The following MRTFA variants were observed in gnomAD, a reference collection of about 807,000 sequenced individuals.
The protein encoded by MRTFA is myocardin related transcription factor A, also known as myocardin-related transcription factor A.
Under a neutral mutation model 83.5 loss-of-function variants are expected in MRTFA, and 20 were observed. The ratio of observed to expected loss-of-function variants is 0.24; its 90% CI spans 0.17 to 0.35. MRTFA has a LOEUF of 0.35. Among genes scored for constraint, MRTFA ranks in the 10% least tolerant of loss-of-function variants. The pLI is 1.00. For synonymous variants in MRTFA, 659 were observed against 541.2 expected (o/e 1.22, Z -3.02); for missense variants, 1,200 against 1,224.7 (o/e 0.98, Z 0.30).
chr22:40,418,302 C>T, intron 12 of MRTFA, 72 bp downstream of exon 12: 1 of 1,553,078 alleles, frequency 6.4e-7, no homozygotes, highest in South Asian at 1.2e-5. Flanking sequence ...TCCCCTGGCC[C>T]AAGAGGGCTG....
chr22:40,416,883 T>C lies in MRTFA; in HGVS notation c.2578+103A>G. 9.0e-7 allele frequency: 1 copy of C among 1,112,224 alleles called. No homozygotes were observed. Among genetic ancestry groups the C allele is most frequent in the East Asian group, 2.6e-5 (1 of 38,778 alleles). 68.9% of individuals were successfully genotyped at this position (1,112,224 alleles called of 1,614,324 possible). On this transcript the variant is annotated intron_variant, in intron 14 of 14. Transcript: ENST00000355630. This position sits in a 1 kb window ranked among gnomAD's most constrained non-coding sequence, Gnocchi z 4.2. The stretch of plus-strand genomic sequence containing the variant: ...TGCATCCACAGTGCTTGCCCAAGAC[T>C]GGTCACGCACGGAAGCATTCAATAA...
chr22:40,614,927 A>C (rs1034875234), intron 1 of MRTFA, among the ~76,000 whole-genome samples: 1 of 152,130 alleles, frequency 6.6e-6, no homozygotes, highest in Non-Finnish European at 1.5e-5. Context: ...TTTCCTCCCA[A>C]GTCTGTGGCT....
chr22:40,550,915 G>C (rs1011830822), intron 3 of MRTFA, among the ~76,000 whole-genome samples: 1 of 149,134 alleles, frequency 6.7e-6, no homozygotes, highest in Non-Finnish European at 1.5e-5. Flanking sequence ...GCAGTGGCGC[G>C]ATCTCGGCTC....
chr22:40,444,186 C>A (rs951570616), intron 4 of MRTFA, among the ~76,000 whole-genome samples: 1 of 152,020 alleles, frequency 6.6e-6, no homozygotes, highest in South Asian at 2.1e-4. Context: ...CATATTACAG[C>A]AGAATAAAGG....
chr22:40,420,580 G>A lies in MRTFA; in HGVS notation c.1182-4C>T. The A allele has an allele frequency of 1.9e-6, 3 of 1,612,620 alleles. No homozygotes were observed. The highest frequency in any genetic ancestry group is 2.5e-6 in the Non-Finnish European group (3 of 1,179,676). On this transcript the variant is annotated splice_polypyrimidine_tract_variant and splice_region_variant and intron_variant, in intron 10 of 14. Coordinates refer to ENST00000355630, the MANE Select transcript of MRTFA (RefSeq NM_020831.6). ...TCCCAGGGCCTCGCCTGCTGACCTG[G>A]GAAGAAAAGGCAGAAATTAGCCCCA...
chr22:40,477,004 T>C (rs1177715300), intron 3 of MRTFA, among the ~76,000 whole-genome samples: 3 of 152,014 alleles, frequency 2.0e-5, no homozygotes, highest in Non-Finnish European at 4.4e-5. Context: ...TGGTTTTATA[T>C]ATTAGTTCCA....
In MRTFA at chr22:40,495,775, A is replaced by C. The variant is rs1052331812; in HGVS notation, c.242-32489T>G. 1.9e-4 allele frequency among the ~76,000 whole-genome samples: 28 copies of C among 150,128 alleles called. No individual in the cohort carries two copies. In the East Asian group the frequency reaches 5.5e-3, roughly 29 times the overall value. On this transcript the variant is annotated intron_variant, in intron 3 of 14. Transcript: ENST00000355630. ...TCCATCTCAAAAAAAAAAAAAAAAA[A>C]AGTACACTGTCTGGCTGGGTGCAGT... is the stretch of plus-strand genomic sequence containing the variant.
chr22:40,485,025 T>A lies in MRTFA; in HGVS notation c.242-21739A>T, dbSNP rs187412751. ...AGTAGGAGGTTGCAGTGAGAGGAGATTGCGCCACTGCACTCCAGCCTGGCA... is the reference window on the plus strand; with the variant it reads ...AGTAGGAGGTTGCAGTGAGAGGAGAATGCGCCACTGCACTCCAGCCTGGCA... On this transcript the variant is annotated intron_variant, in intron 3 of 14. Coordinates refer to ENST00000355630, the MANE Select transcript of MRTFA (RefSeq NM_020831.6). Among the ~76,000 whole-genome samples, 475 of 151,488 alleles carry A rather than the reference T, an allele frequency of 3.1e-3. 2 individuals are homozygous for A. Among genetic ancestry groups the A allele is most frequent in the African/African-American group, 0.01 (425 of 41,224 alleles).
intron 3 of MRTFA, among the ~76,000 whole-genome samples, chr22:40,486,477 G>A (rs1289713753): frequency 6.6e-6 from 1 of 152,162 alleles, no homozygotes; most frequent in Non-Finnish European, 1.5e-5. Context: ...TTCTTGAATA[G>A]CTTGCTTCTT....
At chr22:40,415,000 TGCCTGCCCAGCTGCCACC>T (rs2052648696) in intron 14 of MRTFA, 1 of 151,680 alleles carries the variant, frequency 6.6e-6, no homozygotes, top group Non-Finnish European at 1.5e-5. Flanking sequence ...AGGAGGTCGC[TGCCTGCCCAGCTGCCACC>T]ACCTGCCCAG....
chr22:40,631,810 T>C (rs2056645062), intron 1 of MRTFA, among the ~76,000 whole-genome samples: 2 of 152,190 alleles, frequency 1.3e-5, no homozygotes, highest in African/African-American at 4.8e-5. Flanking sequence ...ATAAAGGAAT[T>C]AAATTTTTCC....
intron 1 of MRTFA, among the ~76,000 whole-genome samples, chr22:40,598,426 T>C (rs2056217549): frequency 6.6e-6 from 1 of 152,170 alleles, no homozygotes; most frequent in Admixed American, 6.5e-5. Flanking sequence ...CTAGAATAAC[T>C]ACACTTTTAT....
chr22:40,611,154 G>C (rs2056383779), intron 1 of MRTFA, among the ~76,000 whole-genome samples: 1 of 152,062 alleles, frequency 6.6e-6, no homozygotes, highest in Admixed American at 6.6e-5. Context: ...GGCCAGGCTG[G>C]TCTCGAACTC....
chr22:40,615,031 C>T (rs188590673), intron 1 of MRTFA, among the ~76,000 whole-genome samples: 22 of 151,770 alleles, frequency 1.4e-4, no homozygotes, highest in Non-Finnish European at 1.5e-5. Context: ...ATGGTGAGTG[C>T]TCCTTACACG....
In MRTFA at chr22:40,415,604, C is replaced by T. The variant is rs76364063; in HGVS notation, c.2578+1382G>A. On this transcript the variant is annotated intron_variant, in intron 14 of 14. Transcript: ENST00000355630. The stretch of plus-strand genomic sequence containing the variant: ...CAGGCCCAGACTTCTTGCCTGCTGC[C>T]GCCAGTGAGCTCCTCCCCAGGACCA... Among the ~76,000 whole-genome samples the T allele has an allele frequency of 6.1e-3, 931 of 152,134 alleles. 6 individuals carry two copies. The highest frequency in any genetic ancestry group is 0.021 in the African/African-American group (887 of 41,492).
intron 2 of MRTFA, among the ~76,000 whole-genome samples, chr22:40,560,517 T>C (rs550436994): frequency 6.6e-5 from 10 of 152,302 alleles, no homozygotes; most frequent in African/African-American, 2.2e-4. Flanking sequence ...CCCAAAAATG[T>C]TGAGGTATAG....
intron 3 of MRTFA, among the ~76,000 whole-genome samples, chr22:40,464,645 G>C (rs2053783688): frequency 6.6e-6 from 1 of 152,140 alleles, no homozygotes. Flanking sequence ...AGAGGAACCA[G>C]AATCTACTGG....
chr22:40,466,813 T>C (rs1219482655), intron 3 of MRTFA, among the ~76,000 whole-genome samples: 1 of 152,172 alleles, frequency 6.6e-6, no homozygotes. Flanking sequence ...AACTTCTTGA[T>C]TGAAAAACTT....
At chr22:40,549,473 C>A (rs952375599) in intron 3 of MRTFA, among the ~76,000 whole-genome samples, 6 of 152,178 alleles carry the variant, frequency 3.9e-5, no homozygotes, top group Non-Finnish European at 8.8e-5. Flanking sequence ...ACAGAATACA[C>A]ACTGTATGAC....
Sources: gnomAD v4.1 joint callset for allele counts (sites outside exome capture counted in the v4.1 genomes callset) on GRCh38, gnomAD v4.1.1 for gene constraint, Gnocchi (gnomAD v3.1) non-coding constraint, MANE v1.5 for transcripts, NCBI Gene and HGNC (gene_info 2026-07-23, HGNC 2026-07-21) for gene names.